The following DIAPH3 variants were observed in gnomAD, a reference collection of about 807,000 sequenced individuals.
DIAPH3 encodes diaphanous related formin 3.
In DIAPH3, 117 loss-of-function variants were observed where a neutral mutation model predicts 144.3. The observed-to-expected ratio is 0.81, with a 90% confidence interval of 0.70 to 0.95. DIAPH3 has a LOEUF of 0.95. Among genes scored for constraint, DIAPH3 ranks in the 40% least tolerant of loss-of-function variants. DIAPH3 has a pLI of 0.00. For missense variants in DIAPH3, 1,421 were observed against 1,412.7 expected, an observed-to-expected ratio of 1.01 and a Z score of -0.09; for synonymous variants, 519 against 488.9, an observed-to-expected ratio of 1.06 and a Z score of -0.81.
At chr13:60,148,736 A>C (rs7981514) in intron 1 of DIAPH3, among the ~76,000 whole-genome samples, 80,529 of 151,996 alleles carry the variant, frequency 0.53, 21,805 homozygotes, top group Admixed American at 0.59. Context: ...TTAAGACAAA[A>C]ATCAGCACTG....
chr13:59,838,589 G>A (rs2042163958), intron 23 of DIAPH3: 1 of 152,096 alleles, frequency 6.6e-6, no homozygotes, highest in Non-Finnish European at 1.5e-5. Context: ...TTGAAGTTAA[G>A]CTGACTAGTT....
intron 21 of DIAPH3, among the ~76,000 whole-genome samples, chr13:59,876,173 A>C (rs2044615395): frequency 6.6e-6 from 1 of 152,172 alleles, no homozygotes; most frequent in African/African-American, 2.4e-5. Flanking sequence ...TCATCAAACC[A>C]AATGCTTTAT....
intron 27 of DIAPH3, among the ~76,000 whole-genome samples, chr13:59,726,043 G>A (rs887941328): frequency 6.6e-6 from 1 of 152,018 alleles, no homozygotes; most frequent in Non-Finnish European, 1.5e-5. Context: ...AAACATAGCT[G>A]CCATATTTAA....
chr13:59,896,999 T>C (rs1221652536), intron 20 of DIAPH3, among the ~76,000 whole-genome samples: 1 of 152,204 alleles, frequency 6.6e-6, no homozygotes, highest in African/African-American at 2.4e-5. Flanking sequence ...CAATTGTGTC[T>C]ACTTGAAAGC....
At chr13:59,790,913 G>GC (rs904080835) in intron 25 of DIAPH3, among the ~76,000 whole-genome samples, 49 of 152,168 alleles carry the variant, frequency 3.2e-4, no homozygotes, top group African/African-American at 1.2e-3. Flanking sequence ...GAATACACGA[G>GC]CCCCACAGTA....
intron 12 of DIAPH3, among the ~76,000 whole-genome samples, chr13:59,987,941 T>C (rs988875609): frequency 6.6e-6 from 1 of 151,838 alleles, no homozygotes; most frequent in African/African-American, 2.4e-5. Context: ...TCTCAGATCA[T>C]CCCCTAGAAC....
intron 25 of DIAPH3, among the ~76,000 whole-genome samples, chr13:59,809,457 G>C (rs1270861231): frequency 1.3e-5 from 2 of 149,726 alleles, no homozygotes; most frequent in African/African-American, 4.9e-5. Flanking sequence ...AGCCGAGATC[G>C]CGCCATTGCA....
At chr13:59,837,827 A>G (rs1180272816) in intron 23 of DIAPH3, 1 of 151,786 alleles carries the variant, frequency 6.6e-6, no homozygotes, top group East Asian at 1.9e-4. Context: ...ATCCTCCCTA[A>G]TGAAATAAGA....
At chr13:59,679,002 G>A (rs2032789943) in intron 27 of DIAPH3, among the ~76,000 whole-genome samples, 1 of 152,136 alleles carries the variant, frequency 6.6e-6, no homozygotes, top group Non-Finnish European at 1.5e-5. Flanking sequence ...AATGATTTGG[G>A]TGCTGGTTGT....
intron 21 of DIAPH3, among the ~76,000 whole-genome samples, chr13:59,878,761 A>C (rs1488188273): frequency 6.6e-6 from 1 of 152,160 alleles, no homozygotes; most frequent in East Asian, 1.9e-4. Context: ...TATTTCCAAT[A>C]TAATAATTTC....
chr13:59,923,017 G>C (rs1438154604), intron 18 of DIAPH3, among the ~76,000 whole-genome samples: 1 of 152,106 alleles, frequency 6.6e-6, no homozygotes, highest in African/African-American at 2.4e-5. Context: ...GGGTTGTAGT[G>C]AAGATTAAAG....
intron 1 of DIAPH3, among the ~76,000 whole-genome samples, chr13:60,158,906 T>TAAAAAAA (rs71197285): frequency 1.3e-5 from 1 of 76,912 alleles, no homozygotes; most frequent in African/African-American, 5.1e-5. Context: ...TGGCCCCTCT[T>TAAAAAAA]AAAAAAAAAA....
chr13:59,886,144 T>C (rs1044017289), intron 20 of DIAPH3, among the ~76,000 whole-genome samples: 5 of 152,128 alleles, frequency 3.3e-5, no homozygotes, highest in Admixed American at 3.3e-4. Flanking sequence ...CAACTTATGT[T>C]TTATTCTAGT....
At chr13:59,841,994 A>G (rs2042376317) in intron 22 of DIAPH3, among the ~76,000 whole-genome samples, 2 of 152,138 alleles carry the variant, frequency 1.3e-5, no homozygotes, top group Admixed American at 1.3e-4. Flanking sequence ...TGTGTTATAT[A>G]TAAATTATTA....
intron 22 of DIAPH3, among the ~76,000 whole-genome samples, chr13:59,844,659 A>AT (rs2042536641): frequency 1.3e-5 from 2 of 152,144 alleles, no homozygotes; most frequent in African/African-American, 4.8e-5. Flanking sequence ...AATTAATCAT[A>AT]TTTTTTGTAT....
chr13:60,124,262 T>C (rs1389008559), intron 2 of DIAPH3, among the ~76,000 whole-genome samples: 1 of 152,196 alleles, frequency 6.6e-6, no homozygotes, highest in Admixed American at 6.5e-5. Context: ...AGTGGCTCTA[T>C]GACCCCATTA....
intron 27 of DIAPH3, among the ~76,000 whole-genome samples, chr13:59,738,816 T>C (rs2036292438): frequency 6.6e-6 from 1 of 152,212 alleles, no homozygotes; most frequent in Non-Finnish European, 1.5e-5. Flanking sequence ...TTTTCAAATT[T>C]TGAAAAGTCA....
chr13:60,007,731 A>G (rs2052972590), intron 9 of DIAPH3, among the ~76,000 whole-genome samples: 1 of 152,218 alleles, frequency 6.6e-6, no homozygotes, highest in African/African-American at 2.4e-5. Flanking sequence ...TAAAAAAAGA[A>G]AGAGAAATTA....
chr13:59,777,593 A>T (rs1411386273), intron 25 of DIAPH3, among the ~76,000 whole-genome samples: 12 of 152,182 alleles, frequency 7.9e-5, no homozygotes, highest in Admixed American at 7.2e-4. Flanking sequence ...ATCAAATTTG[A>T]CATTACCAAC....
Sources: allele counts gnomAD v4.1 joint callset (sites outside exome capture counted in the v4.1 genomes callset), GRCh38; gene constraint gnomAD v4.1.1; transcripts MANE v1.5; gene names NCBI Gene and HGNC (gene_info 2026-07-23, HGNC 2026-07-21).